MYRIP: variants seen among roughly 807,000 people sequenced by gnomAD.
MYRIP encodes the protein myosin VIIA and Rab interacting protein.
In MYRIP, 49 loss-of-function variants were observed where a neutral mutation model predicts 98.0. That is an observed-to-expected ratio of 0.50 (90% CI 0.40 to 0.63). MYRIP has a LOEUF of 0.63. Among genes scored for constraint, MYRIP ranks in the 30% least tolerant of loss-of-function variants. MYRIP has a pLI of 0.00. For missense variants in MYRIP, 1,004 were observed against 1,058.2 expected (o/e 0.95, Z 0.71); for synonymous variants, 404 against 409.5 (o/e 0.99, Z 0.16).
intron 2 of MYRIP, among the ~76,000 whole-genome samples, chr3:40,028,662 G>A (rs946717610): frequency 6.6e-6 from 1 of 152,016 alleles, no homozygotes; most frequent in African/African-American, 2.4e-5. Context: ...AACTTCTGAT[G>A]TTAAACCCAT....
intron 9 of MYRIP, among the ~76,000 whole-genome samples, chr3:40,188,781 A>AC (rs1310583205): frequency 6.6e-6 from 1 of 151,484 alleles, no homozygotes; most frequent in Non-Finnish European, 1.5e-5. Context: ...CTGTCTCAAA[A>AC]AAAAAAGACA....
intron 3 of MYRIP, among the ~76,000 whole-genome samples, chr3:40,111,757 A>G (rs984155794): frequency 2.7e-5 from 4 of 149,538 alleles, no homozygotes; most frequent in East Asian, 2.0e-4. Context: ...AACGTTTGGG[A>G]AAAAAAAAAG....
chr3:40,112,904 A>G (rs1352439950), intron 3 of MYRIP, among the ~76,000 whole-genome samples: 1 of 152,150 alleles, frequency 6.6e-6, no homozygotes, highest in African/African-American at 2.4e-5. Context: ...AAGCCACCCT[A>G]CCAGAAACTA....
At chr3:40,100,310 A>G (rs1031936381) in intron 3 of MYRIP, 2 of 959,746 alleles carry the variant, frequency 2.1e-6, no homozygotes, top group African/African-American at 1.8e-5. Context: ...GCTATTATTG[A>G]TTATGTACTA....
At chr3:39,995,329 G>C (rs969977909) in intron 2 of MYRIP, among the ~76,000 whole-genome samples, 10 of 152,154 alleles carry the variant, frequency 6.6e-5, no homozygotes, top group Non-Finnish European at 1.3e-4. Context: ...AACAAATGCA[G>C]AGAAGTCCTT....
intron 3 of MYRIP, among the ~76,000 whole-genome samples, chr3:40,057,720 T>C (rs1416479801): frequency 1.3e-5 from 2 of 152,196 alleles, no homozygotes; most frequent in Non-Finnish European, 2.9e-5. Flanking sequence ...GGCCAGAATT[T>C]TCCTCTGCTA....
At chr3:40,194,868 T>C (rs1232637345) in intron 10 of MYRIP, among the ~76,000 whole-genome samples, 1 of 152,224 alleles carries the variant, frequency 6.6e-6, no homozygotes, top group African/African-American at 2.4e-5. Context: ...CACTGGTGTA[T>C]AGAAACTGTT....
In MYRIP at chr3:40,239,321, G is replaced by A. The variant is rs1952925644; in HGVS notation, c.2101-5125G>A. On this transcript the variant is annotated intron_variant, in intron 12 of 16. Coordinates refer to ENST00000302541, the MANE Select transcript of MYRIP (RefSeq NM_015460.4). Reference sequence around the variant, plus strand: ...CCAGTCTATCATTGTTGGACATTTGGGTTGGTTCCAAGTCCTTGCTATTGT... The same window carrying A: ...CCAGTCTATCATTGTTGGACATTTGAGTTGGTTCCAAGTCCTTGCTATTGT... Among the ~76,000 whole-genome samples the A allele has an allele frequency of 4.0e-5, 6 of 150,770 alleles. No homozygotes were observed. In the South Asian group the frequency reaches 1.3e-3, roughly 31 times the overall value.
intron 1 of MYRIP, among the ~76,000 whole-genome samples, chr3:39,857,255 G>GAGGGAGGAAGGAAGGA (rs1553639786): frequency 7.4e-6 from 1 of 135,860 alleles, no homozygotes; most frequent in Non-Finnish European, 1.5e-5. Flanking sequence ...GGGAGGGAGG[G>GAGGGAGGAAGGAAGGA]AGGAAGGAAG....
intron 2 of MYRIP, among the ~76,000 whole-genome samples, chr3:40,022,069 A>T (rs1425668783): frequency 6.6e-6 from 1 of 152,214 alleles, no homozygotes. Context: ...AGAAGCCTAA[A>T]CAATTAATTG....
intron 3 of MYRIP, among the ~76,000 whole-genome samples, chr3:40,128,275 C>T (rs1949562491): frequency 6.6e-6 from 1 of 152,150 alleles, no homozygotes; most frequent in Non-Finnish European, 1.5e-5. Flanking sequence ...AGTCCAGTGG[C>T]AGCAGGCTAG....
At chr3:39,876,850 G>A (rs569478453) in intron 1 of MYRIP, among the ~76,000 whole-genome samples, 2 of 151,696 alleles carry the variant, frequency 1.3e-5, no homozygotes, top group Non-Finnish European at 2.9e-5. Context: ...GAGTATCTTT[G>A]TGGTGTTCTC....
chr3:39,891,708 A>C (rs1022680012), intron 1 of MYRIP, among the ~76,000 whole-genome samples: 1 of 152,162 alleles, frequency 6.6e-6, no homozygotes, highest in African/African-American at 2.4e-5. Context: ...CTACCTTTGG[A>C]ATGACCAATA....
At chr3:40,136,371 C>A (rs550542923) in intron 3 of MYRIP, among the ~76,000 whole-genome samples, 1 of 152,166 alleles carries the variant, frequency 6.6e-6, no homozygotes, top group Non-Finnish European at 1.5e-5. Context: ...CAGGAGCACC[C>A]AGATTCATAA....
intron 3 of MYRIP, among the ~76,000 whole-genome samples, chr3:40,097,673 C>T (rs1306047148): frequency 2.6e-5 from 4 of 152,180 alleles, no homozygotes; most frequent in Non-Finnish European, 5.9e-5. Flanking sequence ...GGATTGAGAA[C>T]AAATGTGCAC....
intron 2 of MYRIP, among the ~76,000 whole-genome samples, chr3:39,919,787 G>T (rs1382141064): frequency 6.6e-6 from 1 of 151,156 alleles, no homozygotes; most frequent in African/African-American, 2.4e-5. Context: ...CTCCTTCCTT[G>T]GTACACTATT....
intron 2 of MYRIP, among the ~76,000 whole-genome samples, chr3:39,906,995 C>G (rs892861205): frequency 1.3e-5 from 2 of 152,056 alleles, no homozygotes; most frequent in African/African-American, 4.8e-5. Flanking sequence ...TCTGTTGGAC[C>G]CCAGTGCTTC....
chr3:40,043,944 G>T (rs772900589), intron 2 of MYRIP, 106 bp from the exon 3 acceptor site: 81 of 966,724 alleles, frequency 8.4e-5, no homozygotes, highest in Non-Finnish European at 1.2e-4. Context: ...GTCCTACATG[G>T]TAGCTTGGCC....
chr3:39,838,640 T>C (rs1482132796), intron 1 of MYRIP, among the ~76,000 whole-genome samples: 1 of 152,200 alleles, frequency 6.6e-6, no homozygotes. Flanking sequence ...TTCGCATTGA[T>C]GTTCTTCAGG....
Sources: allele counts gnomAD v4.1 joint callset (sites outside exome capture counted in the v4.1 genomes callset), GRCh38; gene constraint gnomAD v4.1.1; transcripts MANE v1.5; gene names NCBI Gene and HGNC (gene_info 2026-07-23, HGNC 2026-07-21).